Variants in ALK observed in about 807,000 individuals in gnomAD.
ALK encodes ALK tyrosine kinase receptor.
ALK carries 74 observed loss-of-function variants against 163.1 expected under a neutral mutation model. The observed-to-expected ratio is 0.45, with a 90% CI of 0.38 to 0.55. ALK has a LOEUF of 0.55. Among genes scored for constraint, ALK ranks in the 20% least tolerant of loss-of-function variants. ALK has a pLI of 0.00. For missense variants in ALK, 2,063 were observed against 2,105.3 expected (o/e 0.98, Z 0.39); for synonymous variants, 960 against 843.2 (o/e 1.14, Z -2.40).
At chr2:29,434,362 T>G (rs1282316377) in intron 4 of ALK, among the ~76,000 whole-genome samples, 2 of 152,198 alleles carry the variant, frequency 1.3e-5, no homozygotes, top group Non-Finnish European at 2.9e-5. Flanking sequence ...GTAGAATTAG[T>G]CCCGGGGCCC....
intron 3 of ALK, among the ~76,000 whole-genome samples, chr2:29,685,249 C>G (rs1678201522): frequency 6.6e-6 from 1 of 152,114 alleles, no homozygotes; most frequent in African/African-American, 2.4e-5. Flanking sequence ...TTCATAGAAA[C>G]CGAGCCCTTG....
intron 1 of ALK, among the ~76,000 whole-genome samples, chr2:29,772,190 A>G (rs182208145): frequency 1.3e-5 from 2 of 152,330 alleles, no homozygotes; most frequent in East Asian, 1.9e-4. Flanking sequence ...AAATACAGAC[A>G]ACTGGCAGAG....
intron 1 of ALK, among the ~76,000 whole-genome samples, chr2:29,913,236 G>A (rs769695838): frequency 3.9e-5 from 6 of 152,238 alleles, no homozygotes; most frequent in Non-Finnish European, 7.4e-5. Context: ...AACACAAAGC[G>A]AATCTGATAG....
At chr2:29,323,684 G>A (rs913507728) in intron 6 of ALK, among the ~76,000 whole-genome samples, 1 of 152,170 alleles carries the variant, frequency 6.6e-6, no homozygotes, top group Admixed American at 6.5e-5. Flanking sequence ...GGTGGGTTAA[G>A]GTTAAGAGTC....
At chr2:29,908,246 G>C (rs747160366) in intron 1 of ALK, among the ~76,000 whole-genome samples, 2 of 151,796 alleles carry the variant, frequency 1.3e-5, no homozygotes, top group African/African-American at 2.4e-5. Context: ...TAGCACCTTA[G>C]AGCTCTCTGC....
At chr2:29,343,076 T>C (rs1292951052) in intron 5 of ALK, among the ~76,000 whole-genome samples, 2 of 151,324 alleles carry the variant, frequency 1.3e-5, no homozygotes, top group East Asian at 1.9e-4. Context: ...TTAGTAGAGA[T>C]GGGGTTTCAC....
At chr2:29,496,499 A>G (rs1386239625) in intron 4 of ALK, among the ~76,000 whole-genome samples, 1 of 152,198 alleles carries the variant, frequency 6.6e-6, no homozygotes, top group Non-Finnish European at 1.5e-5. Flanking sequence ...ACAGTTTTCC[A>G]GAGGATAGTA....
intron 1 of ALK, among the ~76,000 whole-genome samples, chr2:29,772,347 A>C (rs776374549): frequency 2.6e-5 from 4 of 152,272 alleles, no homozygotes; most frequent in Non-Finnish European, 5.9e-5. Context: ...GAAAGGAAAA[A>C]TAAAGGCTTA....
intron 3 of ALK, among the ~76,000 whole-genome samples, chr2:29,533,217 C>G (rs1344882371): frequency 6.6e-6 from 1 of 152,140 alleles, no homozygotes; most frequent in African/African-American, 2.4e-5. Context: ...TGGGAAGCTT[C>G]AGCATGGCAT....
At chr2:29,390,354 A>G (rs560373852) in intron 4 of ALK, among the ~76,000 whole-genome samples, 22 of 152,288 alleles carry the variant, frequency 1.4e-4, no homozygotes, top group African/African-American at 5.1e-4. Flanking sequence ...TAAACTAGAT[A>G]ACCAGCCAAG....
chr2:29,607,427 T>C (rs1474299710), intron 3 of ALK, among the ~76,000 whole-genome samples: 1 of 152,176 alleles, frequency 6.6e-6, no homozygotes. Flanking sequence ...ACATTTGCAA[T>C]AGAACTCCTC....
intron 4 of ALK, among the ~76,000 whole-genome samples, chr2:29,460,410 C>T (rs1172123530): frequency 6.6e-6 from 1 of 152,118 alleles, no homozygotes; most frequent in East Asian, 1.9e-4. Context: ...TTTTATTGCA[C>T]TTCACAGACA....
At chr2:29,584,156 GAGA>G (rs1199150828) in intron 3 of ALK, among the ~76,000 whole-genome samples, 6 of 152,150 alleles carry the variant, frequency 3.9e-5, no homozygotes, top group African/African-American at 1.4e-4. Flanking sequence ...GGGCCTCTAT[GAGA>G]AGGAGACCCT....
intron 15 of ALK, among the ~76,000 whole-genome samples, chr2:29,230,092 C>T (rs536313457): frequency 1.3e-5 from 2 of 152,278 alleles, no homozygotes; most frequent in African/African-American, 4.8e-5. Context: ...CCCTCAGTAT[C>T]TGTGGAGGTT....
intron 1 of ALK, among the ~76,000 whole-genome samples, chr2:29,831,593 T>G (rs182222430): frequency 1.5e-4 from 23 of 152,210 alleles, no homozygotes; most frequent in Non-Finnish European, 3.2e-4. Flanking sequence ...CTTCTTATTC[T>G]ATCATCACTA....
At chr2:29,334,958 G>A (rs1667564856) in intron 5 of ALK, among the ~76,000 whole-genome samples, 1 of 152,204 alleles carries the variant, frequency 6.6e-6, no homozygotes, top group South Asian at 2.1e-4. Flanking sequence ...TTTTAATCAA[G>A]GGCCTGAGTT....
intron 1 of ALK, among the ~76,000 whole-genome samples, chr2:29,793,742 G>A (rs1664242003): frequency 6.6e-6 from 1 of 152,160 alleles, no homozygotes; most frequent in African/African-American, 2.4e-5. Flanking sequence ...TGAGCAGTAG[G>A]TATTAAAAAT....
At chr2:29,818,597 C>T (rs1664961272) in intron 1 of ALK, among the ~76,000 whole-genome samples, 1 of 152,262 alleles carries the variant, frequency 6.6e-6, no homozygotes, top group Non-Finnish European at 1.5e-5. Flanking sequence ...CCTGTTAGTG[C>T]TCCAAGAATA....
chr2:29,640,575 C>A (rs1475850059), intron 3 of ALK, among the ~76,000 whole-genome samples: 1 of 152,146 alleles, frequency 6.6e-6, no homozygotes, highest in Non-Finnish European at 1.5e-5. Flanking sequence ...AGGCCACATT[C>A]CTGTACAGCC....
Sources: gnomAD v4.1 joint callset for allele counts (sites outside exome capture counted in the v4.1 genomes callset) on GRCh38, gnomAD v4.1.1 for gene constraint, MANE v1.5 for transcripts, NCBI Gene and HGNC (gene_info 2026-07-23, HGNC 2026-07-21) for gene names.